The following MINDY4 variants were observed in gnomAD, a reference collection of about 807,000 sequenced individuals.
MINDY4 encodes the protein MINDY lysine 48 deubiquitinase 4, also known as probable ubiquitin carboxyl-terminal hydrolase MINDY-4.
In MINDY4, 68 loss-of-function variants were observed where a neutral mutation model predicts 87.0. That is an observed-to-expected ratio of 0.78 (90% CI 0.64 to 0.96). The LOEUF is 0.96. Ranked by LOEUF, MINDY4 falls within the 40% of genes least tolerant of loss-of-function variation. MINDY4 has a pLI of 0.00. For synonymous variants in MINDY4, 379 were observed against 363.2 expected (o/e 1.04, Z -0.50); for missense variants, 919 against 928.2 (o/e 0.99, Z 0.13).
In MINDY4 at chr7:30,785,862, C is replaced by CATGGGAGAAG; in HGVS notation, c.536_545dup (p.Ile182MetfsTer72). On this transcript the variant is annotated frameshift_variant, in exon 4 of 18. Coordinates refer to ENST00000265299, the MANE Select transcript of MINDY4 (RefSeq NM_032222.3). LOFTEE classifies it high-confidence loss of function. ...GGTGAAACTCCTGTGTTGACTTCTG[C>CATGGGAGAAG]ATGGGAGAAGATAGACAAGCTTCAC... The CATGGGAGAAG allele has an allele frequency of 6.2e-7, 1 of 1,614,194 alleles. No individual in the cohort carries two copies. The highest frequency in any genetic ancestry group is 8.5e-7 in the Non-Finnish European group (1 of 1,180,038).
intron 6 of MINDY4, among the ~76,000 whole-genome samples, chr7:30,830,346 G>A (rs183593955): frequency 5.6e-4 from 85 of 152,328 alleles, no homozygotes; most frequent in African/African-American, 1.9e-3. Context: ...CAGTGCTTAA[G>A]TGCTTTAATA....
At chr7:30,835,713 C>T (rs1459932362) in intron 6 of MINDY4, among the ~76,000 whole-genome samples, 1 of 152,218 alleles carries the variant, frequency 6.6e-6, no homozygotes, top group Non-Finnish European at 1.5e-5. Flanking sequence ...GCAGGCCCCT[C>T]TAGGGAGCTG....
At chr7:30,828,617 T>A in intron 5 of MINDY4, 62 bp from the exon 6 acceptor site, 1 of 1,550,518 alleles carries the variant, frequency 6.4e-7, no homozygotes, top group Non-Finnish European at 8.9e-7. Context: ...TTAACAGTCT[T>A]CTCTGCCGTT....
At chr7:30,800,967 G>A (rs998272166) in intron 5 of MINDY4, among the ~76,000 whole-genome samples, 3 of 152,138 alleles carry the variant, frequency 2.0e-5, no homozygotes, top group Admixed American at 6.5e-5. Flanking sequence ...TTTAATTCAG[G>A]GGACATTCAC....
intron 5 of MINDY4, among the ~76,000 whole-genome samples, chr7:30,812,146 T>G (rs999836640): frequency 2.6e-5 from 4 of 152,102 alleles, no homozygotes; most frequent in African/African-American, 9.7e-5. Context: ...CCATGTGGAT[T>G]TGGCAGGAGA....
At chr7:30,822,008 A>G (rs1788344546) in intron 5 of MINDY4, among the ~76,000 whole-genome samples, 1 of 152,068 alleles carries the variant, frequency 6.6e-6, no homozygotes. Context: ...CCTCCCCAAT[A>G]TATATTAATC....
At position 30,788,358 on chromosome 7, in the gene MINDY4, A is replaced by G. The variant is rs532626335; in HGVS notation, c.663+2366A>G. On this transcript the variant is annotated intron_variant, in intron 4 of 17. Transcript: ENST00000265299. ...TCGCTTGATATGTCTTGCACTTTGAAGTTTTTACCCCTGAATGATTTAGTA... is the reference window on the plus strand; with the variant it reads ...TCGCTTGATATGTCTTGCACTTTGAGGTTTTTACCCCTGAATGATTTAGTA... 2.6e-5 allele frequency among the ~76,000 whole-genome samples: 4 copies of G among 152,334 alleles called. No homozygotes were observed. In the East Asian group the frequency reaches 7.7e-4, roughly 29 times the overall value.
At chr7:30,833,621 CCCAAAGTCTTAACT>C (rs756182284) in intron 6 of MINDY4, among the ~76,000 whole-genome samples, 87 of 152,300 alleles carry the variant, frequency 5.7e-4, no homozygotes, top group Admixed American at 1.2e-3. Flanking sequence ...CCAACAGTCC[CCCAAAGTCTTAACT>C]CATTTCAGCA....
chr7:30,835,880 C>G (rs562632443), intron 6 of MINDY4, among the ~76,000 whole-genome samples: 1 of 152,194 alleles, frequency 6.6e-6, no homozygotes, highest in Non-Finnish European at 1.5e-5. Flanking sequence ...CCTTAGCTAA[C>G]GGGGAAGTCA....
chr7:30,814,790 C>T (rs189259716), intron 5 of MINDY4, among the ~76,000 whole-genome samples: 9 of 152,346 alleles, frequency 5.9e-5, no homozygotes, highest in Middle Eastern at 3.4e-3. Flanking sequence ...TAAGCCTCTT[C>T]ACCTTTCTAA....
intron 17 of MINDY4, among the ~76,000 whole-genome samples, chr7:30,890,619 A>G (rs1461726781): frequency 6.6e-6 from 1 of 152,256 alleles, no homozygotes; most frequent in Non-Finnish European, 1.5e-5. Flanking sequence ...AGTGAGTTGG[A>G]AGAACGGAGT....
intron 17 of MINDY4, among the ~76,000 whole-genome samples, chr7:30,886,429 C>T (rs539688419): frequency 6.6e-6 from 1 of 152,328 alleles, no homozygotes; most frequent in South Asian, 2.1e-4. Context: ...TGCAAGAACC[C>T]CCAAGCCACA....
chr7:30,812,644 A>T (rs1788038889), intron 5 of MINDY4, among the ~76,000 whole-genome samples: 2 of 152,190 alleles, frequency 1.3e-5, no homozygotes, highest in Non-Finnish European at 2.9e-5. Flanking sequence ...TTGCACTCCA[A>T]GGAATCAGTG....
chr7:30,882,330 C>T lies in MINDY4; in HGVS notation c.2121C>T (p.Ala707=), dbSNP rs754009821. ...LFDLYYYDGL[A]NQQEQIRLTI... is the part of the protein sequence containing the mutation. The stretch of plus-strand genomic sequence containing the variant: ...ACTTGTACTACTACGATGGCCTGGC[C>T]AACCAGCAGGAGCAGATCCGGCTGA... The change falls in exon 16 of 18, where the codon GCC becomes GCT. Residue 707 remains alanine (A), a synonymous_variant. Coordinates refer to ENST00000265299, the MANE Select transcript of MINDY4 (RefSeq NM_032222.3). 1 of 1,608,624 alleles carries T rather than the reference C, an allele frequency of 6.2e-7. No individual in the cohort carries two copies. Among genetic ancestry groups the T allele is most frequent in the South Asian group, 1.1e-5 (1 of 90,898 alleles).
intron 1 of MINDY4, among the ~76,000 whole-genome samples, 174 bp from the exon 2 acceptor site, chr7:30,778,258 C>T (rs760836028): frequency 7.9e-5 from 12 of 152,178 alleles, no homozygotes; most frequent in African/African-American, 2.7e-4. Context: ...TTCACTTAGC[C>T]CATGGGGCTG....
chr7:30,862,422 G>C (rs1789793535), intron 13 of MINDY4, among the ~76,000 whole-genome samples: 3 of 152,258 alleles, frequency 2.0e-5, no homozygotes, highest in Admixed American at 2.0e-4. Context: ...CCCCAGAACA[G>C]CCTGCTCCTC....
Position 30,772,201 on chromosome 7 carries a change from G to A in MINDY4, c.63+645G>A, listed in dbSNP as rs55756463. Among the ~76,000 whole-genome samples, 679 of 152,278 alleles carry A rather than the reference G, an allele frequency of 4.5e-3. 1 individual carries two copies. The highest frequency in any genetic ancestry group is 7.0e-3 in the Non-Finnish European group (473 of 68,014). On this transcript the variant is annotated intron_variant, in intron 1 of 17. Coordinates refer to ENST00000265299, the MANE Select transcript of MINDY4 (RefSeq NM_032222.3). Reference sequence around the variant, plus strand: ...AGCTCGCCGGGGGGTCTTGGGCGTGGTAGTGGAGGGGGACATACATTAGCT... The same window carrying A: ...AGCTCGCCGGGGGGTCTTGGGCGTGATAGTGGAGGGGGACATACATTAGCT...
intron 17 of MINDY4, among the ~76,000 whole-genome samples, chr7:30,890,431 C>T (rs7806278): frequency 0.29 from 44,097 of 152,126 alleles, 9,807 homozygotes; most frequent in African/African-American, 0.62. Flanking sequence ...AAATGGGCTG[C>T]ATGCAAATAA....
At chr7:30,781,182 G>A (rs1431546057) in intron 2 of MINDY4, 1 of 152,246 alleles carries the variant, frequency 6.6e-6, no homozygotes, top group African/African-American at 2.4e-5. Flanking sequence ...CACTGGGCGA[G>A]TGGGTTGGGG....
Sources: gnomAD v4.1 joint callset for allele counts (sites outside exome capture counted in the v4.1 genomes callset) on GRCh38, gnomAD v4.1.1 for gene constraint, MANE v1.5 for transcripts, NCBI Gene and HGNC (gene_info 2026-07-23, HGNC 2026-07-21) for gene names.